The following CACNA1H variants were observed in gnomAD, a reference collection of about 807,000 sequenced individuals.
CACNA1H encodes the protein voltage-dependent T-type calcium channel subunit alpha-1H.
In CACNA1H, 149 loss-of-function variants were observed where a neutral mutation model predicts 192.5. The ratio of observed to expected loss-of-function variants is 0.77; its 90% CI spans 0.68 to 0.89. The LOEUF (loss-of-function observed/expected upper bound fraction) is 0.89, where lower values mean the gene tolerates loss of function less well. CACNA1H is among the 40% of genes least tolerant of loss of function. The pLI, the probability that CACNA1H is intolerant of heterozygous loss-of-function variation, is 0.00. For missense variants in CACNA1H, 4,257 were observed against 3,423.5 expected, an observed-to-expected ratio of 1.24 and a Z score of -6.08; for synonymous variants, 2,202 against 1,475.2, an observed-to-expected ratio of 1.49 and a Z score of -11.29.
rs1367464592 is a variant in CACNA1H at position 1,221,591 on chromosome 16, G to A, written c.*597G>A. 2.6e-5 allele frequency: 16 copies of A among 611,760 alleles called. No individual in the cohort carries two copies. The highest frequency in any genetic ancestry group is 9.3e-5 in the African/African-American group (5 of 53,600). 37.9% of individuals were successfully genotyped at this position (611,760 alleles called of 1,614,324 possible). A position where few individuals can be genotyped will look rare whatever the true frequency, so the allele number is the denominator to read the frequency against. ...CCCATGGAGTAACGCGCCCGGCCCC[G>A]ATGCGAATCAGGCCTCCCCTACATC... On this transcript the variant is annotated 3_prime_UTR_variant, in exon 35 of 35. Transcript: ENST00000348261.
In CACNA1H at chr16:1,153,767, G is replaced by A. The variant is rs1335436770; in HGVS notation, c.30G>A (p.Glu10=). MTEGARAAD[E]VRVPLGAPPP... is the part of the protein sequence containing the mutation. ...CCGAGGGCGCACGGGCCGCCGACGA[G>A]GTCCGGGTGCCCCTGGGCGCGCCGC... Residue 10 remains glutamate, a synonymous_variant, in exon 2 of 35, where the codon GAG becomes GAA. Coordinates refer to ENST00000348261, the MANE Select transcript of CACNA1H (RefSeq NM_021098.3). 9 of 1,219,878 alleles carry A rather than the reference G, an allele frequency of 7.4e-6. No homozygotes were observed. Among genetic ancestry groups the A allele is most frequent in the Non-Finnish European group, 9.2e-6 (9 of 980,220 alleles). 75.6% of individuals were successfully genotyped at this position (1,219,878 alleles called of 1,614,324 possible).
chr16:1,156,947 C>T (rs1311473788), intron 2 of CACNA1H: 1 of 152,244 alleles, frequency 6.6e-6, no homozygotes, highest in African/African-American at 2.4e-5. Context: ...TGATTGGTTT[C>T]TTAAAAATAT....
Position 1,154,055 on chromosome 16 carries a change from G to T in CACNA1H, c.299+19G>T. The T allele has an allele frequency of 1.1e-6, 1 of 914,764 alleles. No individual in the cohort carries two copies. Among genetic ancestry groups the T allele is most frequent in the South Asian group, 2.8e-5 (1 of 35,352 alleles). The allele number at this position is 914,764 out of a possible 1,614,324, so 56.7% of individuals were successfully genotyped here. A position where few individuals can be genotyped will look rare whatever the true frequency, so the allele number is the denominator to read the frequency against. ...GCAACCCATATCCTTCCCGGCCGGC[G>T]GGGGGCGGGGGGCGGGGGGCGTGGG... is the stretch of plus-strand genomic sequence containing the variant. On this transcript the variant is annotated intron_variant, in intron 2 of 34. Coordinates refer to ENST00000348261, the MANE Select transcript of CACNA1H (RefSeq NM_021098.3).
chr16:1,158,167 C>T (rs1962680742), intron 2 of CACNA1H, among the ~76,000 whole-genome samples: 1 of 152,204 alleles, frequency 6.6e-6, no homozygotes, highest in African/African-American at 2.4e-5. Context: ...TCCCTGCCTC[C>T]TGGGCTAGTA....
At chr16:1,161,624 C>T (rs979828534) in intron 2 of CACNA1H, among the ~76,000 whole-genome samples, 1 of 152,240 alleles carries the variant, frequency 6.6e-6, no homozygotes, top group African/African-American at 2.4e-5. Context: ...CTCAGTTTCC[C>T]TGTCACACCA....
chr16:1,179,725 G>A (rs761366901), intron 2 of CACNA1H, among the ~76,000 whole-genome samples: 6 of 147,494 alleles, frequency 4.1e-5, no homozygotes, highest in East Asian at 4.0e-4. Flanking sequence ...CACCACGCCC[G>A]GCCTCTTTTT....
rs545918011 is a variant in CACNA1H at position 1,201,910 on chromosome 16, G to A, written c.1460G>A (p.Arg487His). Reference sequence around the variant, plus strand: ...TACGCCCGCTGGCAGAGCCGCTGGCGCAAGAAGGTGGACCCCAGTGCTGTG... The same window carrying A: ...TACGCCCGCTGGCAGAGCCGCTGGCACAAGAAGGTGGACCCCAGTGCTGTG... The part of the protein sequence containing the change: ...RLYARWQSRW[R>H]KKVDPSAVQG... The change falls in exon 9 of 35, where the codon CGC becomes CAC. Residue 487 changes from arginine (R) to histidine (H), a missense_variant. By Grantham distance (29) the Arg-to-His change is conservative. Coordinates refer to ENST00000348261, the MANE Select transcript of CACNA1H (RefSeq NM_021098.3). 72 of 1,550,318 alleles carry A rather than the reference G, an allele frequency of 4.6e-5. No individual in the cohort carries two copies. Among genetic ancestry groups the A allele is most frequent in the African/African-American group, 3.8e-4 (28 of 73,184 alleles).
chr16:1,211,307 C>T lies in CACNA1H; in HGVS notation c.4350+13C>T. The T allele has an allele frequency of 1.2e-6, 2 of 1,612,758 alleles. No individual in the cohort carries two copies. The highest frequency in any genetic ancestry group is 2.2e-5 in the South Asian group (2 of 91,080). ...TTTGGGTGTGCAGGTGTGTGGCCCC[C>T]ACGTGCCCGGGGGTCTGCCCCGTCG... On this transcript the variant is annotated intron_variant, in intron 22 of 34. Coordinates refer to ENST00000348261, the MANE Select transcript of CACNA1H (RefSeq NM_021098.3).
At chr16:1,174,301 C>A (rs566639017) in intron 2 of CACNA1H, among the ~76,000 whole-genome samples, 1 of 152,344 alleles carries the variant, frequency 6.6e-6, no homozygotes, top group East Asian at 1.9e-4. Flanking sequence ...CTCATTTCTC[C>A]TGGAGCGCAC....
intron 6 of CACNA1H, among the ~76,000 whole-genome samples, chr16:1,199,748 C>T (rs564640356): frequency 1.0e-3 from 156 of 151,502 alleles, no homozygotes; most frequent in Non-Finnish European, 1.6e-3. Flanking sequence ...GCCCACACCC[C>T]GGGGTTCCCT....
chr16:1,162,141 C>T (rs1287020879), intron 2 of CACNA1H, among the ~76,000 whole-genome samples: 1 of 152,122 alleles, frequency 6.6e-6, no homozygotes, highest in African/African-American at 2.4e-5. Context: ...CCACTCAGTC[C>T]CATGGGTGAT....
intron 17 of CACNA1H, 58 bp downstream of exon 17, chr16:1,209,470 C>A (rs1969166896): frequency 6.4e-7 from 1 of 1,574,558 alleles, no homozygotes; most frequent in Non-Finnish European, 8.6e-7. Flanking sequence ...GGGGCAGGTT[C>A]CCTCAAGTGG....
chr16:1,203,591 C>T (rs997074729), intron 9 of CACNA1H, among the ~76,000 whole-genome samples: 6 of 152,168 alleles, frequency 3.9e-5, no homozygotes, highest in African/African-American at 7.2e-5. Context: ...CGGAAAATCA[C>T]TCAGCTCTGG....
chr16:1,193,563 C>T (rs1442970754), intron 2 of CACNA1H, among the ~76,000 whole-genome samples: 1 of 152,280 alleles, frequency 6.6e-6, no homozygotes, highest in East Asian at 1.9e-4. Flanking sequence ...GCCTTGCCCA[C>T]CTATGGGACA....
rs1270980016 is a variant in CACNA1H at position 1,205,414 on chromosome 16, C to T, written c.2603+149C>T. 5.8e-6 allele frequency: 5 copies of T among 866,962 alleles called. 1 individual carries two copies. In the South Asian group the frequency reaches 7.1e-5, roughly 12 times the overall value. 53.7% of individuals were successfully genotyped at this position (866,962 alleles called of 1,614,324 possible). A position where few individuals can be genotyped will look rare whatever the true frequency, so the allele number is the denominator to read the frequency against. On this transcript the variant is annotated intron_variant, in intron 11 of 34. Transcript: ENST00000348261. ...CCGTGGGAAGCAGGTGCTTGGTGAC[C>T]CCAGTGGCCCAAGGGACCGTCCTGG... is the stretch of plus-strand genomic sequence containing the variant.
chr16:1,158,240 A>G (rs1162676812), intron 2 of CACNA1H, among the ~76,000 whole-genome samples: 1 of 152,108 alleles, frequency 6.6e-6, no homozygotes, highest in Non-Finnish European at 1.5e-5. Flanking sequence ...AGAGACACAG[A>G]TGGGGCTGAG....
At chr16:1,205,426 A>G (rs928178595) in intron 11 of CACNA1H, among the ~76,000 whole-genome samples, 161 bp downstream of exon 11, 5 of 152,170 alleles carry the variant, frequency 3.3e-5, no homozygotes, top group Non-Finnish European at 7.4e-5. Context: ...CAGTGGCCCA[A>G]GGGACCGTCC....
chr16:1,218,067 AC>A, intron 32 of CACNA1H, 27 bp downstream of exon 32: 1 of 1,590,408 alleles, frequency 6.3e-7, no homozygotes, highest in Non-Finnish European at 8.6e-7. Flanking sequence ...TGCCTCTGGC[AC>A]CTGGCAGCCC....
At chr16:1,185,473 T>C (rs1177107514) in intron 2 of CACNA1H, among the ~76,000 whole-genome samples, 1 of 147,614 alleles carries the variant, frequency 6.8e-6, no homozygotes, top group Non-Finnish European at 1.5e-5. Context: ...GCAGCCAGAC[T>C]CCCACATGGA....
Sources: allele counts gnomAD v4.1 joint callset (sites outside exome capture counted in the v4.1 genomes callset), GRCh38; gene constraint gnomAD v4.1.1; transcripts MANE v1.5; gene names NCBI Gene and HGNC (gene_info 2026-07-23, HGNC 2026-07-21).